PAM: variants seen among roughly 807,000 people sequenced by gnomAD.
PAM encodes the protein peptidylglycine alpha-amidating monooxygenase.
In PAM, 72 loss-of-function variants were observed where a neutral mutation model predicts 122.1. The observed-to-expected ratio is 0.59, with a 90% CI of 0.49 to 0.72. The LOEUF (loss-of-function observed/expected upper bound fraction) is 0.72. Among genes scored for constraint, PAM ranks in the 30% least tolerant of loss-of-function variants. PAM has a pLI of 0.00. For missense variants in PAM, 1,106 were observed against 1,183.7 expected (o/e 0.93, Z 0.96); for synonymous variants, 389 against 404.4 (o/e 0.96, Z 0.46).
chr5:102,765,275 A>C (rs117074798), intron 1 of PAM, among the ~76,000 whole-genome samples: 1 of 152,258 alleles, frequency 6.6e-6, no homozygotes, highest in Non-Finnish European at 1.5e-5. Context: ...GACATTGGCC[A>C]AAACAGTCAA....
At chr5:103,001,368 CCTAT>C (rs1327930235) in intron 16 of PAM, among the ~76,000 whole-genome samples, 8 of 151,940 alleles carry the variant, frequency 5.3e-5, no homozygotes, top group South Asian at 2.1e-4. Context: ...TACATTGGTT[CCTAT>C]CTAATAAAAT....
chr5:102,924,922 A>T, intron 5 of PAM, 35 bp from the exon 6 acceptor site: 1 of 1,128,564 alleles, frequency 8.9e-7, no homozygotes, highest in Non-Finnish European at 1.4e-6. Flanking sequence ...TTCACTATTT[A>T]AATCTTCATT....
intron 7 of PAM, among the ~76,000 whole-genome samples, chr5:102,933,512 G>A (rs879292852): frequency 8.5e-5 from 13 of 152,194 alleles, no homozygotes; most frequent in Admixed American, 2.0e-4. Context: ...CCAGACAGGT[G>A]GATATTCCTG....
At chr5:102,951,548 G>A (rs1758898803) in intron 12 of PAM, among the ~76,000 whole-genome samples, 1 of 151,998 alleles carries the variant, frequency 6.6e-6, no homozygotes, top group Non-Finnish European at 1.5e-5. Flanking sequence ...AACCATTTAT[G>A]TCGTAATCAA....
chr5:102,789,157 A>G (rs1388417395), intron 1 of PAM, among the ~76,000 whole-genome samples: 1 of 152,128 alleles, frequency 6.6e-6, no homozygotes, highest in Non-Finnish European at 1.5e-5. Context: ...AATGAAATAG[A>G]TCCTTGGCTG....
intron 1 of PAM, among the ~76,000 whole-genome samples, chr5:102,801,831 T>G (rs905039794): frequency 1.4e-4 from 19 of 138,136 alleles, no homozygotes; most frequent in Non-Finnish European, 4.5e-5. Context: ...CAGGCTGGAG[T>G]GCAGTGGCGC....
At chr5:103,001,546 C>T (rs1777386189) in intron 16 of PAM, among the ~76,000 whole-genome samples, 1 of 152,014 alleles carries the variant, frequency 6.6e-6, no homozygotes. Context: ...TTTAGATTGA[C>T]AAAGCTGAAT....
Position 102,882,241 on chromosome 5 carries a change from G to A in PAM, c.210+14848G>A, listed in dbSNP as rs561923990. Among the ~76,000 whole-genome samples the A allele has an allele frequency of 4.0e-5, 6 of 150,730 alleles. No individual in the cohort carries two copies. In the South Asian group the frequency reaches 1.3e-3, roughly 32 times the overall value. On this transcript the variant is annotated intron_variant, in intron 3 of 25. Transcript: ENST00000438793. ...TTTTTCTCTGGGTAGCTACCCAGTA[G>A]TGGGATTGCTGGATCAAATGGTAGT...
In PAM at chr5:102,900,261, G is replaced by GGGT. The variant is rs1561816097; in HGVS notation, c.211-1093_211-1092insTGG. 5.3e-4 allele frequency among the ~76,000 whole-genome samples: 63 copies of GGGT among 119,630 alleles called. 2 individuals carry two copies. In the East Asian group the frequency reaches 0.017, roughly 31 times the overall value. The allele number at this position is 119,630 out of a possible 152,430, so 78.5% of individuals were successfully genotyped here. ...TCTCTTAATGTGTGTGTGTGGGGGGGGGGCGGGGGGAAGAGGGTAGACAAA... is the reference window on the plus strand; with the variant it reads ...TCTCTTAATGTGTGTGTGTGGGGGGGGGTGGGCGGGGGGAAGAGGGTAGACAAA... On this transcript the variant is annotated intron_variant, in intron 3 of 25. Coordinates refer to ENST00000438793, the MANE Select transcript of PAM (RefSeq NM_001177306.2).
chr5:102,778,438 G>A (rs1757761228), intron 1 of PAM, among the ~76,000 whole-genome samples: 1 of 152,088 alleles, frequency 6.6e-6, no homozygotes, highest in African/African-American at 2.4e-5. Context: ...GTTTCAGGAA[G>A]GAGACTGTAA....
chr5:103,029,931 A>C (rs1191559857), downstream of PAM: 1 of 152,202 alleles, frequency 6.6e-6, no homozygotes, highest in Admixed American at 6.5e-5. Flanking sequence ...CTCTTCTAAA[A>C]TCCAAAGAGG....
chr5:102,786,093 G>C (rs952579285), intron 1 of PAM, among the ~76,000 whole-genome samples: 7 of 152,078 alleles, frequency 4.6e-5, no homozygotes, highest in African/African-American at 1.7e-4. Flanking sequence ...TCCATTCTTG[G>C]GTCAAGTGTA....
chr5:102,979,856 C>T (rs938895877), intron 15 of PAM, among the ~76,000 whole-genome samples: 9 of 151,772 alleles, frequency 5.9e-5, no homozygotes, highest in Non-Finnish European at 8.8e-5. Context: ...TGCGGCTGTA[C>T]ATTAACCTTT....
rs1400789068 is a variant in PAM, at chr5:102,755,333, G to A, written c.-389G>A. The A allele has an allele frequency of 6.6e-6, 1 of 152,508 alleles. No individual in the cohort carries two copies. Among genetic ancestry groups the A allele is most frequent in the Non-Finnish European group, 1.5e-5 (1 of 68,320 alleles). The allele number at this position is 152,508 out of a possible 1,614,324, so 9.4% of individuals were successfully genotyped here. On this transcript the variant is annotated 5_prime_UTR_variant, in exon 1 of 26. Coordinates refer to ENST00000438793, the MANE Select transcript of PAM (RefSeq NM_001177306.2). The stretch of plus-strand genomic sequence containing the variant: ...GGCTCCGGCTTCCGTCCCGGACAGA[G>A]CCCGTGGTCGCGCAGGTTGGTGTTG...
chr5:102,859,647 A>G (rs1446586102), intron 1 of PAM, among the ~76,000 whole-genome samples: 1 of 152,198 alleles, frequency 6.6e-6, no homozygotes, highest in African/African-American at 2.4e-5. Flanking sequence ...AATCTCCTGT[A>G]CAGTGTTATA....
At chr5:102,882,661 C>T (rs1791683124) in intron 3 of PAM, among the ~76,000 whole-genome samples, 1 of 152,090 alleles carries the variant, frequency 6.6e-6, no homozygotes, top group Non-Finnish European at 1.5e-5. Context: ...TTCTCCCACC[C>T]TGTGGGTTGT....
chr5:102,924,033 T>C (rs1265044378), intron 5 of PAM, among the ~76,000 whole-genome samples: 1 of 152,196 alleles, frequency 6.6e-6, no homozygotes, highest in African/African-American at 2.4e-5. Context: ...CTTGGTAAGA[T>C]TCAGTAACTT....
At chr5:102,872,980 C>G (rs1054027099) in intron 3 of PAM, among the ~76,000 whole-genome samples, 6 of 151,922 alleles carry the variant, frequency 3.9e-5, no homozygotes, top group Admixed American at 2.0e-4. Flanking sequence ...ATGCTTTTAC[C>G]TGGGTGAGGG....
At chr5:102,908,636 G>A (rs935270795) in intron 4 of PAM, among the ~76,000 whole-genome samples, 2 of 151,430 alleles carry the variant, frequency 1.3e-5, no homozygotes, top group Non-Finnish European at 2.9e-5. Flanking sequence ...GTTAGTGGGT[G>A]CAGCGCACCA....
Sources: allele counts gnomAD v4.1 joint callset (sites outside exome capture counted in the v4.1 genomes callset), GRCh38; gene constraint gnomAD v4.1.1; transcripts MANE v1.5; gene names NCBI Gene and HGNC (gene_info 2026-07-23, HGNC 2026-07-21).